RANBP2: variants seen among roughly 807,000 people sequenced by gnomAD.
RANBP2 encodes the protein E3 SUMO-protein ligase RanBP2.
RANBP2 carries 57 observed loss-of-function variants against 303.6 expected under a neutral mutation model. That is an observed-to-expected ratio of 0.19 (90% CI 0.15 to 0.23). The LOEUF (loss-of-function observed/expected upper bound fraction) is 0.23, where lower values mean the gene tolerates loss of function less well. Ranked by LOEUF, RANBP2 falls within the 10% of genes least tolerant of loss-of-function variation. RANBP2 has a pLI of 1.00. For synonymous variants in RANBP2, 1,167 were observed against 1,301.5 expected, an observed-to-expected ratio of 0.90 and a Z score of 2.23; for missense variants, 3,138 against 3,780.8, an observed-to-expected ratio of 0.83 and a Z score of 4.46.
the RANBP2 span, among the ~76,000 whole-genome samples, chr2:109,174,470 C>G: frequency 5.3e-5 from 8 of 152,172 alleles, no homozygotes; most frequent in South Asian, 4.1e-4. Flanking sequence ...GAGTAGGCAC[C>G]AGGCCACACT....
At chr2:108,962,413 C>A in the RANBP2 span, among the ~76,000 whole-genome samples, 15 of 152,216 alleles carry the variant, frequency 9.9e-5, no homozygotes, top group East Asian at 2.9e-3. Context: ...GTGGCTCACG[C>A]CTGTAATCCC....
At chr2:109,031,092 G>A in the RANBP2 span, among the ~76,000 whole-genome samples, 2 of 152,098 alleles carry the variant, frequency 1.3e-5, no homozygotes, top group Non-Finnish European at 2.9e-5. Context: ...GGAGTCTAAG[G>A]GTATTGTGAT....
At chr2:109,000,402 C>G in the RANBP2 span, among the ~76,000 whole-genome samples, 1 of 152,008 alleles carries the variant, frequency 6.6e-6, no homozygotes, top group Non-Finnish European at 1.5e-5. Context: ...TGGTGTGCAC[C>G]TGTAGTCCCA....
rs750467478 is a variant in RANBP2 at position 108,740,657 on chromosome 2, A to C, written c.951A>C (p.Ala317=). ...VQWRALSELA[A]LCYLIAFQVP... ...GGCGAGCTCTTTCTGAGCTGGCTGC[A>C]TTGTGCTATCTCATAGCATTTCAGG... The change falls in exon 7 of 29, where the codon GCA becomes GCC. Residue 317 remains alanine, a synonymous_variant. Coordinates refer to ENST00000283195, the MANE Select transcript of RANBP2 (RefSeq NM_006267.5). The C allele has an allele frequency of 3.8e-6, 6 of 1,597,546 alleles. No individual in the cohort carries two copies. The highest frequency in any genetic ancestry group is 5.1e-6 in the Non-Finnish European group (6 of 1,179,768).
At chr2:109,653,394 CA>C in the RANBP2 span, among the ~76,000 whole-genome samples, 37,229 of 141,730 alleles carry the variant, frequency 0.26, 5,268 homozygotes, top group South Asian at 0.43. Flanking sequence ...GATTTCGTCT[CA>C]AAAAAAAAAA....
the RANBP2 span, among the ~76,000 whole-genome samples, chr2:109,496,715 T>C: frequency 2.6e-5 from 4 of 152,216 alleles, no homozygotes; most frequent in African/African-American, 7.2e-5. Context: ...AGCAGAATAA[T>C]GGCCCCCAAA....
chr2:109,290,557 T>C, the RANBP2 span, among the ~76,000 whole-genome samples: 1 of 152,254 alleles, frequency 6.6e-6, no homozygotes, highest in African/African-American at 2.4e-5. Flanking sequence ...CTGACTATCC[T>C]TTGGCCCGCC....
At chr2:108,729,853 G>A (rs898711867) in intron 2 of RANBP2, among the ~76,000 whole-genome samples, 2 of 151,970 alleles carry the variant, frequency 1.3e-5, no homozygotes, top group African/African-American at 4.8e-5. Flanking sequence ...CCAAGTAGCT[G>A]GGGATACAGA....
At chr2:109,537,870 C>T in the RANBP2 span, among the ~76,000 whole-genome samples, 54,922 of 151,900 alleles carry the variant, frequency 0.36, 11,594 homozygotes, top group Middle Eastern at 0.56. Flanking sequence ...ATTGCTTGAG[C>T]CCAGGAGGCA....
At chr2:109,603,082 A>C in the RANBP2 span, among the ~76,000 whole-genome samples, 3 of 151,208 alleles carry the variant, frequency 2.0e-5, no homozygotes, top group Admixed American at 6.6e-5. Context: ...AAAACAAAAC[A>C]AAAAAAACAA....
the RANBP2 span, among the ~76,000 whole-genome samples, chr2:109,492,779 C>G: frequency 3.9e-5 from 6 of 152,086 alleles, no homozygotes; most frequent in Non-Finnish European, 7.4e-5. Context: ...GTCAGCAGCA[C>G]CCCCAGTCCT....
the RANBP2 span, among the ~76,000 whole-genome samples, chr2:108,860,883 CTCT>C: frequency 7.6e-6 from 1 of 132,116 alleles, no homozygotes; most frequent in African/African-American, 2.7e-5. Flanking sequence ...TTGGTATCAG[CTCT>C]TCTTTGTTCA....
At chr2:109,428,816 C>T in the RANBP2 span, among the ~76,000 whole-genome samples, 1 of 152,264 alleles carries the variant, frequency 6.6e-6, no homozygotes, top group East Asian at 1.9e-4. Context: ...CTGTGTTGAG[C>T]TGCCAAGGTG....
the RANBP2 span, among the ~76,000 whole-genome samples, chr2:109,274,514 C>A: frequency 1.2e-3 from 179 of 152,034 alleles, no homozygotes; most frequent in Non-Finnish European, 1.9e-3. Flanking sequence ...ACATTATGCT[C>A]AAAAAAAGCC....
chr2:108,762,793 T>C (rs986425543), intron 19 of RANBP2, among the ~76,000 whole-genome samples: 35 of 140,940 alleles, frequency 2.5e-4, no homozygotes, highest in African/African-American at 9.0e-4. Flanking sequence ...GCTCAATAAA[T>C]GTTACCATCA....
intron 19 of RANBP2, 106 bp downstream of exon 19, chr2:108,762,301 C>T (rs1490935003): frequency 9.0e-7 from 1 of 1,116,710 alleles, no homozygotes. Context: ...ACTTTTATGT[C>T]CCTTAAAATG....
the RANBP2 span, among the ~76,000 whole-genome samples, chr2:109,015,157 A>AAAAAAAAAAAAAAAAAAC: frequency 7.0e-6 from 1 of 142,432 alleles, no homozygotes; most frequent in Non-Finnish European, 1.5e-5. Context: ...AAAAAAAAAA[A>AAAAAAAAAAAAAAAAAAC]AAGATAGTAA....
At chr2:109,659,374 C>T in the RANBP2 span, among the ~76,000 whole-genome samples, 11 of 152,094 alleles carry the variant, frequency 7.2e-5, no homozygotes, top group African/African-American at 2.7e-4. Context: ...TCATCCCCCC[C>T]AAAAACACAC....
the RANBP2 span, among the ~76,000 whole-genome samples, chr2:108,990,600 C>CAGAAAAGAAA: frequency 1.3e-4 from 20 of 151,864 alleles, no homozygotes; most frequent in African/African-American, 4.6e-4. Context: ...TGTCTCAAAA[C>CAGAAAAGAAA]AGAAAAGAAA....
Sources: gnomAD v4.1 joint callset for allele counts (sites outside exome capture counted in the v4.1 genomes callset) on GRCh38, gnomAD v4.1.1 for gene constraint, MANE v1.5 for transcripts, NCBI Gene and HGNC (gene_info 2026-07-23, HGNC 2026-07-21) for gene names.